Variants in DNHD1 observed in about 807,000 individuals in gnomAD.
DNHD1 encodes dynein heavy chain domain 1.
DNHD1 carries 383 observed loss-of-function variants against 458.1 expected under a neutral mutation model. That is an observed-to-expected ratio of 0.84 (90% confidence interval 0.77 to 0.91). The LOEUF (loss-of-function observed/expected upper bound fraction) is 0.91, where lower values mean the gene tolerates loss of function less well. Ranked by LOEUF, DNHD1 falls within the 40% of genes least tolerant of loss-of-function variation. The probability of loss-of-function intolerance (pLI) is 0.00; values close to 1 mark genes in which losing one functional copy is unlikely to be tolerated. For missense variants in DNHD1, 5,336 were observed against 5,866.1 expected (o/e 0.91, Z 2.95); for synonymous variants, 2,203 against 2,376.9 (o/e 0.93, Z 2.13).
At position 6,567,753 on chromosome 11, in the gene DNHD1, A is replaced by T; in HGVS notation, c.12244A>T (p.Ser4082Cys). The T allele has an allele frequency of 6.2e-7, 1 of 1,613,946 alleles. No homozygotes were observed. Among genetic ancestry groups the T allele is most frequent in the South Asian group, 1.1e-5 (1 of 91,090 alleles). ...TYAPTMPFKH[S>C]QATQPMLILL... ...TGCTCCCACCATGCCCTTTAAACAT[A>T]GTCAGGCTACTCAGCCCATGCTGAT... The change falls in exon 36 of 43, where the codon AGT becomes TGT. Residue 4082 changes from serine to cysteine, a missense_variant. Ser to Cys is a moderately radical substitution (Grantham distance 112). This residue lies in a region of DNHD1 where 695 missense variants were observed against 804.2 expected (regional missense o/e 0.86). Transcript: ENST00000254579.
intron 7 of DNHD1, among the ~76,000 whole-genome samples, chr11:6,518,053 AT>A (rs1202242183): frequency 4.6e-5 from 7 of 152,148 alleles, no homozygotes; most frequent in African/African-American, 1.7e-4. Flanking sequence ...TAGGTATAGA[AT>A]TCCAAGTTTT....
At chr11:6,516,135 T>TA (rs1589870160) in intron 7 of DNHD1, among the ~76,000 whole-genome samples, 1 of 152,046 alleles carries the variant, frequency 6.6e-6, no homozygotes, top group Non-Finnish European at 1.5e-5. Context: ...TTCTGAGAGG[T>TA]ATATGTTAAA....
At chr11:6,549,053 C>G (rs1853281209) in intron 24 of DNHD1, 120 bp downstream of exon 24, 2 of 1,112,656 alleles carry the variant, frequency 1.8e-6, no homozygotes, top group Non-Finnish European at 2.5e-6. Context: ...GTGTTCTGTT[C>G]TTAATATCTT....
chr11:6,541,634 CAA>C (rs1726996853), intron 18 of DNHD1, among the ~76,000 whole-genome samples: 1 of 152,148 alleles, frequency 6.6e-6, no homozygotes, highest in South Asian at 2.1e-4. Context: ...TCAGATCATG[CAA>C]AGTCTTGTGG....
chr11:6,559,312 G>A lies in DNHD1; in HGVS notation c.9519+29G>A, dbSNP rs975095081. The A allele has an allele frequency of 1.4e-5, 22 of 1,542,212 alleles. No homozygotes were observed. In the African/African-American group the frequency reaches 1.8e-4, roughly 13 times the overall value. On this transcript the variant is annotated intron_variant, in intron 28 of 42. Coordinates refer to ENST00000254579, the MANE Select transcript of DNHD1 (RefSeq NM_144666.3). ...AGGAGATGATTTTGAGGCTTCCATG[G>A]TGGTGTCAAAGCAGGAGCCCAAAGG...
At chr11:6,507,757 A>G (rs1247288836) in intron 4 of DNHD1, among the ~76,000 whole-genome samples, 1 of 152,192 alleles carries the variant, frequency 6.6e-6, no homozygotes, top group Admixed American at 6.5e-5. Flanking sequence ...TTGGTTTTAA[A>G]TCCTGTATTC....
intron 7 of DNHD1, among the ~76,000 whole-genome samples, chr11:6,515,927 A>G (rs2134387616): frequency 1.3e-5 from 2 of 151,978 alleles, no homozygotes; most frequent in East Asian, 3.9e-4. Context: ...CTGGGACTAC[A>G]GACATGGGCC....
At chr11:6,509,339 T>A in intron 6 of DNHD1, 67 bp downstream of exon 6, 1 of 1,372,822 alleles carries the variant, frequency 7.3e-7, no homozygotes, top group East Asian at 2.3e-5. Context: ...TAATAGTATG[T>A]TTGTTGTAGA....
intron 3 of DNHD1, 130 bp from the exon 4 acceptor site, chr11:6,502,623 C>T (rs1002139856): frequency 1.4e-6 from 1 of 731,286 alleles, no homozygotes; most frequent in Non-Finnish European, 2.1e-6. Context: ...TCAGGCTCGA[C>T]AATGCCACGT....
intron 9 of DNHD1, 27 bp downstream of exon 9, chr11:6,520,129 C>T: frequency 1.9e-6 from 3 of 1,614,106 alleles, no homozygotes; most frequent in Non-Finnish European, 2.5e-6. Context: ...AGAGAGCTGG[C>T]TGTGGGAATT....
chr11:6,544,048 CT>C, intron 18 of DNHD1, 72 bp from the exon 19 acceptor site: 1 of 1,501,808 alleles, frequency 6.7e-7, no homozygotes, highest in East Asian at 2.5e-5. Context: ...GAAGGTTCCC[CT>C]GGTCTCCTCT....
Position 6,571,657 on chromosome 11 carries a change from A to G in DNHD1, c.13933A>G (p.Thr4645Ala), listed in dbSNP as rs746339975. 6.3e-7 allele frequency: 1 copy of G among 1,595,080 alleles called. No individual in the cohort carries two copies. The highest frequency in any genetic ancestry group is 8.6e-7 in the Non-Finnish European group (1 of 1,169,250). The change falls in exon 43 of 43, where the codon ACG (threonine) becomes GCG (alanine). Residue 4645 changes from threonine (T) to alanine (A), a missense_variant. By Grantham distance (58) the Thr-to-Ala change is moderately conservative. This residue lies in a region of DNHD1 where 698 missense variants were observed against 664.9 expected (regional missense o/e 1.05). Transcript: ENST00000254579. This position sits in a 1 kb window ranked among gnomAD's most constrained non-coding sequence, Gnocchi z 5.0. ...HFRVENGPNP[T>A]VPERGLLLIG... is the part of the protein sequence containing the mutation. The stretch of plus-strand genomic sequence containing the variant: ...CCAGGTGGAGAATGGTCCAAATCCC[A>G]CGGTTCCAGAGAGAGGGCTGCTGCT...
intron 10 of DNHD1, 138 bp from the exon 11 acceptor site, chr11:6,528,384 T>C: frequency 1.9e-6 from 2 of 1,067,134 alleles, no homozygotes; most frequent in African/African-American, 1.6e-5. Context: ...ATGTGTTAAC[T>C]CACTCATGAG....
chr11:6,563,297 A>G, intron 29 of DNHD1, 85 bp from the exon 30 acceptor site: 1 of 1,500,364 alleles, frequency 6.7e-7, no homozygotes, highest in Non-Finnish European at 9.1e-7. Flanking sequence ...TGGGGACTCC[A>G]AGGAGATGAT....
Position 6,568,865 on chromosome 11 carries a change from T to G in DNHD1, c.12862T>G (p.Trp4288Gly), listed in dbSNP as rs1443961896. ...GTRLQAHRGR[W>G]SQVTLTQVLQ... ...AAGGCTGCAGGCACACAGGGGGCGCTGGTGAGGGACCCCCACCCATTCCTG... is the reference window on the plus strand; with the variant it reads ...AAGGCTGCAGGCACACAGGGGGCGCGGGTGAGGGACCCCCACCCATTCCTG... Residue 4288 changes from tryptophan to glycine, a missense_variant and splice_region_variant, in exon 39 of 43, where the codon TGG becomes GGG. Physicochemically the swap from Trp to Gly is radical, Grantham distance 184 (BLOSUM62 -2). This residue lies in a region of DNHD1 where 698 missense variants were observed against 664.9 expected (regional missense o/e 1.05). Transcript: ENST00000254579. 1.9e-6 allele frequency: 3 copies of G among 1,606,816 alleles called. No homozygotes were observed. Among genetic ancestry groups the G allele is most frequent in the Non-Finnish European group, 1.7e-6 (2 of 1,177,060 alleles).
intron 10 of DNHD1, among the ~76,000 whole-genome samples, chr11:6,527,414 G>A (rs778705059): frequency 8.5e-5 from 13 of 152,188 alleles, no homozygotes; most frequent in Non-Finnish European, 1.6e-4. Context: ...TTTTAAATGG[G>A]ATGTGTTGTA....
In DNHD1 at chr11:6,558,601, G is replaced by A; in HGVS notation, c.9119G>A (p.Ser3040Asn). ...AGGCTCCTTCAACTGGCCACTGCCA[G>A]CATTGACCGCTATGAACCCTGGGAC... is the stretch of plus-strand genomic sequence containing the variant. ...FLRLLQLATA[S>N]IDRYEPWDQA... is the part of the protein sequence containing the mutation. The change falls in exon 26 of 43, where the codon AGC becomes AAC. Residue 3040 changes from serine to asparagine, a missense_variant. By Grantham distance (46) the Ser-to-Asn change is conservative (BLOSUM62 1). Coordinates refer to ENST00000254579, the MANE Select transcript of DNHD1 (RefSeq NM_144666.3). 6.4e-7 allele frequency: 1 copy of A among 1,551,706 alleles called. No individual in the cohort carries two copies. The highest frequency in any genetic ancestry group is 8.7e-7 in the Non-Finnish European group (1 of 1,147,008).
Position 6,571,471 on chromosome 11 carries a change from T to C in DNHD1, c.13911+48T>C, listed in dbSNP as rs1165797584. 6.6e-7 allele frequency: 1 copy of C among 1,506,542 alleles called. No homozygotes were observed. The highest frequency in any genetic ancestry group is 1.4e-5 in the African/African-American group (1 of 71,940). The allele number at this position is 1,506,542 out of a possible 1,614,324, so 93.3% of individuals were successfully genotyped here. Reference sequence around the variant, plus strand: ...TCGCGGTTCCAGTCCCCTCGAAGTCTCTAATTACACCTCGCAGTTACCCCT... The same window carrying C: ...TCGCGGTTCCAGTCCCCTCGAAGTCCCTAATTACACCTCGCAGTTACCCCT... On this transcript the variant is annotated intron_variant, in intron 42 of 42. Coordinates refer to ENST00000254579, the MANE Select transcript of DNHD1 (RefSeq NM_144666.3). This position sits in a 1 kb window ranked among gnomAD's most constrained non-coding sequence, Gnocchi z 5.0.
chr11:6,510,083 A>G (rs1327910085), intron 6 of DNHD1, among the ~76,000 whole-genome samples: 1 of 146,980 alleles, frequency 6.8e-6, no homozygotes, highest in Non-Finnish European at 1.5e-5. Flanking sequence ...TTTTAACTCA[A>G]AAGAATTTTT....
Sources: allele counts gnomAD v4.1 joint callset (sites outside exome capture counted in the v4.1 genomes callset), GRCh38; gene constraint gnomAD v4.1.1; regional missense constraint gnomAD v4.1.1; non-coding constraint Gnocchi (gnomAD v3.1); transcripts MANE v1.5; gene names NCBI Gene and HGNC (gene_info 2026-07-23, HGNC 2026-07-21).